The following NBEAL2 variants were observed in gnomAD, a reference collection of about 807,000 sequenced individuals.
NBEAL2 encodes neurobeachin like 2, also known as neurobeachin-like protein 2.
In NBEAL2, 160 loss-of-function variants were observed where a neutral mutation model predicts 299.8. The ratio of observed to expected loss-of-function variants is 0.53; its 90% CI spans 0.47 to 0.61. The LOEUF (loss-of-function observed/expected upper bound fraction) is 0.61, where lower values mean the gene tolerates loss of function less well. Among genes scored for constraint, NBEAL2 ranks in the 20% least tolerant of loss-of-function variants. NBEAL2 has a pLI of 0.00. For synonymous variants in NBEAL2, 1,493 were observed against 1,542.3 expected, an observed-to-expected ratio of 0.97 and a Z score of 0.75; for missense variants, 3,112 against 3,649.0, an observed-to-expected ratio of 0.85 and a Z score of 3.79.
Position 47,007,862 on chromosome 3 carries a change from C to G in NBEAL2, c.7554C>G (p.Ile2518Met), listed in dbSNP as rs1414558628. 2 of 1,613,706 alleles carry G rather than the reference C, an allele frequency of 1.2e-6. No homozygotes were observed. The highest frequency in any genetic ancestry group is 1.7e-6 in the Non-Finnish European group (2 of 1,179,824). Residue 2518 changes from isoleucine to methionine, a missense_variant, in exon 49 of 54, where the codon ATC becomes ATG. Physicochemically the swap from Ile to Met is conservative, Grantham distance 10. Around this residue, in one of 3 missense-constraint regions of NBEAL2, gnomAD observed 348 missense variants for 381.4 expected, o/e 0.91. Transcript: ENST00000450053. Reference sequence around the variant, plus strand: ...TGGACACCTGTGGCATCTACCTCATCTCAGGCTCCCGGGACACCACGTGCA... The same window carrying G: ...TGGACACCTGTGGCATCTACCTCATGTCAGGCTCCCGGGACACCACGTGCA... ...LALDTCGIYL[I>M]SGSRDTTCMV...
rs917388921 is a variant in NBEAL2 at position 46,989,466 on chromosome 3, G to C, written c.474-45G>C. The stretch of plus-strand genomic sequence containing the variant: ...GGGCCCAAGGAGGGGTGACGGCCAG[G>C]AGTGGTGAGAGCCGGGCTGATGTAC... On this transcript the variant is annotated intron_variant, in intron 5 of 53. Transcript: ENST00000450053. The surrounding 1 kb of genome is among the most constrained non-coding windows in gnomAD (Gnocchi z 5.5). The C allele has an allele frequency of 1.3e-6, 2 of 1,567,960 alleles. No homozygotes were observed. Among genetic ancestry groups the C allele is most frequent in the South Asian group, 2.3e-5 (2 of 85,292 alleles).
chr3:47,009,302 C>G lies in NBEAL2; in HGVS notation c.8247C>G (p.Asn2749Lys). The G allele has an allele frequency of 6.3e-7, 1 of 1,599,654 alleles. No homozygotes were observed. Among genetic ancestry groups the G allele is most frequent in the Non-Finnish European group, 8.5e-7 (1 of 1,174,410 alleles). The change falls in exon 54 of 54, where the codon AAC (asparagine) becomes AAG (lysine). Residue 2749 changes from asparagine to lysine, a missense_variant. Asn to Lys is a moderately conservative substitution (Grantham distance 94). This residue lies in a region of NBEAL2 where 348 missense variants were observed against 381.4 expected (regional missense o/e 0.91). Coordinates refer to ENST00000450053, the MANE Select transcript of NBEAL2 (RefSeq NM_015175.3). ...SQVSSGETEY[N>K]PTEAR ...TGTCCTCGGGAGAGACGGAATACAACCCTACTGAGGCGCGCTGAACCTGGC... is the reference window on the plus strand; with the variant it reads ...TGTCCTCGGGAGAGACGGAATACAAGCCTACTGAGGCGCGCTGAACCTGGC...
chr3:46,999,848 G>A (rs1053294368), intron 26 of NBEAL2, 41 bp from the exon 27 acceptor site: 1 of 1,598,700 alleles, frequency 6.3e-7, no homozygotes, highest in African/African-American at 1.3e-5. Flanking sequence ...TCTGGAGCAG[G>A]CAGTTGGATG....
rs377025153 is a variant in NBEAL2 at position 46,996,003 on chromosome 3, C to T, written c.2103C>T (p.Asp701=). 2.7e-5 allele frequency: 44 copies of T among 1,612,576 alleles called. No individual in the cohort carries two copies. The Admixed American group carries it at 3.2e-4, about 12-fold the overall frequency. The part of the protein sequence containing the change: ...FSQNLVHVYK[D]GHLVKTAPLR... ...AGAACCTGGTCCATGTCTACAAAGA[C>T]GGCCATCTGGTCAAGACAGCACCCC... The change falls in exon 15 of 54, where the codon GAC becomes GAT. Residue 701 remains aspartate (D), a synonymous_variant. Transcript: ENST00000450053.
At chr3:46,996,714 G>A (rs2036528783) in intron 16 of NBEAL2, 37 bp from the exon 17 acceptor site, 2 of 1,600,012 alleles carry the variant, frequency 1.2e-6, no homozygotes, top group South Asian at 2.2e-5. Context: ...TTGGCCAGAG[G>A]CCTAGCAAGG....
In NBEAL2 at chr3:46,998,765, G is replaced by C. The variant is rs2036711630; in HGVS notation, c.3270G>C (p.Gln1090His). 5 of 1,578,202 alleles carry C rather than the reference G, an allele frequency of 3.2e-6. No homozygotes were observed. Among genetic ancestry groups the C allele is most frequent in the Non-Finnish European group, 4.3e-6 (5 of 1,162,278 alleles). ...CTGCTGACGACCTACGCACCGTGCA[G>C]ACCTCCCTCCTGGGCCTGGCGAGGG... Reference protein sequence around the residue: ...PLAADDLRTVQTSLLGLAREF... With the variant: ...PLAADDLRTVHTSLLGLAREF... The change falls in exon 23 of 54, where the codon CAG (glutamine) becomes CAC (histidine). Residue 1090 changes from glutamine (Q) to histidine (H), a missense_variant. Transcript: ENST00000450053.
chr3:47,004,175 G>A lies in NBEAL2; in HGVS notation c.5980G>A (p.Asp1994Asn), dbSNP rs200060366. The change falls in exon 37 of 54, where the codon GAT (aspartate) becomes AAT (asparagine). Residue 1994 changes from aspartate (D) to asparagine (N), a missense_variant. Coordinates refer to ENST00000450053, the MANE Select transcript of NBEAL2 (RefSeq NM_015175.3). The surrounding 1 kb of genome is among the most constrained non-coding windows in gnomAD (Gnocchi z 5.0). ...TTCAGCACTTGAGCTCTTCTTTATC[G>A]ATCAGGCCAACTACTTCCTCAACTT... ...RRSALELFFI[D>N]QANYFLNFPC... 514 of 1,613,592 alleles carry A rather than the reference G, an allele frequency of 3.2e-4. No individual in the cohort carries two copies. The highest frequency in any genetic ancestry group is 4.0e-4 in the Non-Finnish European group (476 of 1,179,800).
At position 47,002,469 on chromosome 3, in the gene NBEAL2, C is replaced by T. The variant is rs771066311; in HGVS notation, c.5250C>T (p.Ser1750=). 6.2e-7 allele frequency: 1 copy of T among 1,613,150 alleles called. No individual in the cohort carries two copies. Among genetic ancestry groups the T allele is most frequent in the East Asian group, 2.2e-5 (1 of 44,886 alleles). ...FWNACYDMLM[S]SGQRRQWERA... ...ATGCCTGCTATGACATGCTTATGAG[C>T]AGTGGGCAGCGGCGCCAGTGGGAGC... Residue 1750 remains serine (S), a synonymous_variant, in exon 32 of 54, where the codon AGC becomes AGT. Coordinates refer to ENST00000450053, the MANE Select transcript of NBEAL2 (RefSeq NM_015175.3).
rs530302563 is a variant in NBEAL2 at position 46,998,016 on chromosome 3, C to T, written c.2959-51C>T. The T allele has an allele frequency of 1.3e-4, 204 of 1,511,856 alleles. 2 individuals carry two copies. In the South Asian group the frequency reaches 2.3e-3, roughly 17 times the overall value. The allele number at this position is 1,511,856 out of a possible 1,614,324, so 93.7% of individuals were successfully genotyped here. A position where few individuals can be genotyped will look rare whatever the true frequency, so the allele number is the denominator to read the frequency against. On this transcript the variant is annotated intron_variant, in intron 20 of 53. Transcript: ENST00000450053. ...AAGAGTGGCAGCTGAAAAGCTCAGACAGCAGACAGGCAGAGCCTGAGCCCT... is the reference window on the plus strand; with the variant it reads ...AAGAGTGGCAGCTGAAAAGCTCAGATAGCAGACAGGCAGAGCCTGAGCCCT...
At chr3:47,007,377 G>T in intron 47 of NBEAL2, 27 bp downstream of exon 47, 1 of 1,578,420 alleles carries the variant, frequency 6.3e-7, no homozygotes, top group East Asian at 2.3e-5. Context: ...TGGGTGGGGT[G>T]GGCTACAAAT....
chr3:46,986,795 G>C (rs1452549967), intron 1 of NBEAL2, among the ~76,000 whole-genome samples: 4 of 152,188 alleles, frequency 2.6e-5, no homozygotes, highest in Non-Finnish European at 5.9e-5. Flanking sequence ...AAGGTACACT[G>C]AAGACAAAGT....
Position 47,000,345 on chromosome 3 carries a change from G to C in NBEAL2, c.4246G>C (p.Gly1416Arg). 2 of 1,603,052 alleles carry C rather than the reference G, an allele frequency of 1.2e-6. No homozygotes were observed. Among genetic ancestry groups the C allele is most frequent in the Non-Finnish European group, 1.7e-6 (2 of 1,172,484 alleles). ...SSSLSNVLED[G>R]SLPEPTISGD... ...CAGTCTCTCCAATGTGCTGGAGGAC[G>C]GCAGCCTCCCGGAGCCCACCATTAG... Residue 1416 changes from glycine (G) to arginine (R), a missense_variant, in exon 27 of 54, where the codon GGC becomes CGC. By Grantham distance (125) the Gly-to-Arg change is moderately radical. This residue lies in a region of NBEAL2 where 2,243 missense variants were observed against 2,538.1 expected (regional missense o/e 0.88). Coordinates refer to ENST00000450053, the MANE Select transcript of NBEAL2 (RefSeq NM_015175.3). The surrounding 1 kb of genome is among the most constrained non-coding windows in gnomAD (Gnocchi z 4.5).
chr3:47,006,626 A>G (rs2037466337), intron 45 of NBEAL2, among the ~76,000 whole-genome samples, 177 bp downstream of exon 45: 1 of 152,204 alleles, frequency 6.6e-6, no homozygotes, highest in African/African-American at 2.4e-5. Flanking sequence ...CTTCTTCATC[A>G]GGGCCAGGAT....
intron 9 of NBEAL2, among the ~76,000 whole-genome samples, 179 bp from the exon 10 acceptor site, chr3:46,992,296 C>T (rs931733532): frequency 6.6e-6 from 1 of 152,174 alleles, no homozygotes; most frequent in African/African-American, 2.4e-5. Context: ...CTGCTCCCAC[C>T]CGCTCATCCC....
Position 47,003,981 on chromosome 3 carries a change from G to A in NBEAL2, c.5881+5G>A, listed in dbSNP as rs746455230. ...AGCGCGTGGAAACCGAGGAGGGTGC[G>A]TCCTGGTGGTGTGGTTTAGGAGGAT... On this transcript the variant is annotated splice_donor_5th_base_variant and intron_variant, in intron 36 of 53. Transcript: ENST00000450053. The surrounding 1 kb of genome is among the most constrained non-coding windows in gnomAD (Gnocchi z 7.0). 3.7e-6 allele frequency: 6 copies of A among 1,612,436 alleles called. No individual in the cohort carries two copies. The highest frequency in any genetic ancestry group is 1.3e-5 in the African/African-American group (1 of 74,820).
At chr3:46,998,616 C>T (rs2036693320) in intron 22 of NBEAL2, 51 bp downstream of exon 22, 31 of 1,579,972 alleles carry the variant, frequency 2.0e-5, no homozygotes, top group South Asian at 3.4e-5. Flanking sequence ...CAGTGGCCTC[C>T]GGCCTTGGGG....
Position 47,001,982 on chromosome 3 carries a change from CGAG to C in NBEAL2, c.4850_4852del (p.Glu1617del). On this transcript the variant is annotated inframe_deletion, in exon 31 of 54. Coordinates refer to ENST00000450053, the MANE Select transcript of NBEAL2 (RefSeq NM_015175.3). The surrounding 1 kb of genome is among the most constrained non-coding windows in gnomAD (Gnocchi z 6.1). ...TACAGACTGCAGTGCCAGCCCGCCG[CGAG>C]GAGGCCTGCTATGTGCTCTCCAAGC... 1 of 1,607,982 alleles carries C rather than the reference CGAG, an allele frequency of 6.2e-7. No homozygotes were observed. Among genetic ancestry groups the C allele is most frequent in the Non-Finnish European group, 8.5e-7 (1 of 1,177,454 alleles).
At chr3:46,985,201 G>T (rs1469389258) in intron 1 of NBEAL2, among the ~76,000 whole-genome samples, 1 of 152,202 alleles carries the variant, frequency 6.6e-6, no homozygotes, top group African/African-American at 2.4e-5. Flanking sequence ...CGGGTTTGGG[G>T]TATGGAGGCT....
chr3:46,982,447 C>G lies in NBEAL2; in HGVS notation c.51+2535C>G, dbSNP rs1291912641. ...AGGTTTAGACCCACCCACCCCCTCCCCCTGGGGGCCCGGCTCAACTGGGGG... is the reference window on the plus strand; with the variant it reads ...AGGTTTAGACCCACCCACCCCCTCCGCCTGGGGGCCCGGCTCAACTGGGGG... On this transcript the variant is annotated intron_variant, in intron 1 of 53. Transcript: ENST00000450053. The surrounding 1 kb of genome is among the most constrained non-coding windows in gnomAD (Gnocchi z 4.2). Among the ~76,000 whole-genome samples, 4 of 152,162 alleles carry G rather than the reference C, an allele frequency of 2.6e-5. No individual in the cohort carries two copies. Among genetic ancestry groups the G allele is most frequent in the Non-Finnish European group, 5.9e-5 (4 of 68,048 alleles).
Sources: allele counts gnomAD v4.1 joint callset (sites outside exome capture counted in the v4.1 genomes callset), GRCh38; gene constraint gnomAD v4.1.1; regional missense constraint gnomAD v4.1.1; non-coding constraint Gnocchi (gnomAD v3.1); transcripts MANE v1.5; gene names NCBI Gene and HGNC (gene_info 2026-07-23, HGNC 2026-07-21).